Variants in MANBA observed in about 807,000 individuals in gnomAD.
MANBA encodes mannosidase beta, also known as beta-mannosidase.
MANBA carries 83 observed loss-of-function variants against 111.1 expected under a neutral mutation model. That is an observed-to-expected ratio of 0.75 (90% CI 0.63 to 0.90). The LOEUF (loss-of-function observed/expected upper bound fraction) is 0.90. Ranked by LOEUF, MANBA falls within the 40% of genes least tolerant of loss-of-function variation. The probability of loss-of-function intolerance (pLI) is 0.00; values close to 1 mark genes in which losing one functional copy is unlikely to be tolerated. For synonymous variants in MANBA, 370 were observed against 378.7 expected (o/e 0.98, Z 0.27); for missense variants, 1,036 against 1,069.0 (o/e 0.97, Z 0.43).
intron 5 of MANBA, among the ~76,000 whole-genome samples, chr4:102,692,256 G>C (rs553570191): frequency 6.6e-6 from 1 of 152,268 alleles, no homozygotes; most frequent in African/African-American, 2.4e-5. Context: ...GGAACAGAGA[G>C]GAGGCAAAGA....
chr4:102,695,237 A>G (rs28679325), intron 5 of MANBA, among the ~76,000 whole-genome samples: 4,226 of 152,136 alleles, frequency 0.028, 139 homozygotes, highest in African/African-American at 0.078. Context: ...CTACTCCTTT[A>G]TTAAGATGTA....
At chr4:102,640,423 GA>G (rs1331312694) in intron 13 of MANBA, among the ~76,000 whole-genome samples, 7 of 152,282 alleles carry the variant, frequency 4.6e-5, no homozygotes, top group Middle Eastern at 6.8e-3. Flanking sequence ...CGTTGTAGCA[GA>G]ACAGATGGCA....
intron 1 of MANBA, chr4:102,728,945 C>A: frequency 1.3e-6 from 1 of 771,702 alleles, no homozygotes. Flanking sequence ...TGTATGGATA[C>A]TCATGTTCTG....
chr4:102,723,828 A>AT (rs1722678656), intron 3 of MANBA, 34 bp downstream of exon 3: 2 of 1,245,248 alleles, frequency 1.6e-6, no homozygotes, highest in African/African-American at 3.0e-5. Flanking sequence ...AACACACATA[A>AT]ATTTTTTTTA....
intron 5 of MANBA, among the ~76,000 whole-genome samples, chr4:102,709,311 G>A (rs371718829): frequency 1.2e-5 from 1 of 82,650 alleles, no homozygotes; most frequent in Non-Finnish European, 2.4e-5. Context: ...AGGAAGGAAG[G>A]AAGAAAAGAA....
intron 1 of MANBA, among the ~76,000 whole-genome samples, chr4:102,732,193 G>C (rs1233995607): frequency 6.6e-6 from 1 of 152,186 alleles, no homozygotes; most frequent in Non-Finnish European, 1.5e-5. Flanking sequence ...TTACAGACAT[G>C]AGCCACCGCA....
chr4:102,634,450 T>C (rs1578855108), intron 16 of MANBA, among the ~76,000 whole-genome samples: 1 of 150,186 alleles, frequency 6.7e-6, no homozygotes, highest in South Asian at 2.1e-4. Context: ...AGTCAGAGAC[T>C]ATGAGGTGAA....
intron 12 of MANBA, among the ~76,000 whole-genome samples, chr4:102,654,509 C>T (rs1157982823): frequency 2.0e-5 from 3 of 152,098 alleles, no homozygotes; most frequent in Admixed American, 6.5e-5. Flanking sequence ...GTTCAGGTAG[C>T]GAAATTGAAA....
chr4:102,724,542 CAA>C (rs11454438), intron 2 of MANBA, among the ~76,000 whole-genome samples: 1,729 of 122,198 alleles, frequency 0.014, 36 homozygotes, highest in African/African-American at 0.046. Context: ...GATTCCGTCT[CAA>C]AAAAAAAAAA....
At chr4:102,667,582 G>A (rs752072972) in intron 10 of MANBA, 3 of 152,064 alleles carry the variant, frequency 2.0e-5, no homozygotes, top group Non-Finnish European at 4.4e-5. Flanking sequence ...TGACTTACAC[G>A]TATTATCCTA....
At chr4:102,728,484 T>C in intron 1 of MANBA, 1 of 384,204 alleles carries the variant, frequency 2.6e-6, no homozygotes, top group Admixed American at 3.6e-5. Flanking sequence ...TACCCATCTT[T>C]CACATTTGAA....
rs1729595349 is a variant in MANBA, at chr4:102,635,720, A to C, written c.2157+145T>G. ...GAAGGGTTTTGCTTATGGTCACATG[A>C]TTAATGGCAGGGTTGTAGCCTGAAT... On this transcript the variant is annotated intron_variant, in intron 15 of 16. Coordinates refer to ENST00000647097, the MANE Select transcript of MANBA (RefSeq NM_005908.4). 15 of 797,546 alleles carry C rather than the reference A, an allele frequency of 1.9e-5. 1 individual carries two copies. In the South Asian group the frequency reaches 2.3e-4, roughly 12 times the overall value. The allele number at this position is 797,546 out of a possible 1,614,324, so 49.4% of individuals were successfully genotyped here.
intron 14 of MANBA, among the ~76,000 whole-genome samples, chr4:102,637,378 A>G (rs1729678065): frequency 2.0e-5 from 3 of 152,210 alleles, no homozygotes; most frequent in African/African-American, 7.2e-5. Context: ...ATTGTGGGTC[A>G]TAAGACACTC....
At chr4:102,664,494 G>A (rs1036563152) in intron 11 of MANBA, among the ~76,000 whole-genome samples, 191 bp downstream of exon 11, 7 of 152,034 alleles carry the variant, frequency 4.6e-5, no homozygotes, top group African/African-American at 9.7e-5. Context: ...GACTACAGGC[G>A]CCCGCCACCG....
chr4:102,745,239 G>T (rs978137314), intron 1 of MANBA, among the ~76,000 whole-genome samples: 4 of 152,160 alleles, frequency 2.6e-5, no homozygotes, highest in African/African-American at 9.7e-5. Context: ...TAGACTGGGG[G>T]TCTCCTTGGG....
In MANBA at chr4:102,650,604, A is replaced by G. The variant is rs2110203118; in HGVS notation, c.1802T>C (p.Leu601Pro). 1 of 1,613,444 alleles carries G rather than the reference A, an allele frequency of 6.2e-7. No individual in the cohort carries two copies. The highest frequency in any genetic ancestry group is 8.5e-7 in the Non-Finnish European group (1 of 1,179,384). The change falls in exon 13 of 17, where the codon CTT (leucine) becomes CCT (proline). Residue 601 changes from leucine (L) to proline (P), a missense_variant. Transcript: ENST00000647097. ...TGTGCTTTGGGGGAGTTTGAAATGA[A>G]GTCCAGCCTGATAAAGCATTTGTTT... is the stretch of plus-strand genomic sequence containing the variant. ...GNKQMLYQAGLHFKLPQSTDP... is the reference protein window; with the variant it reads ...GNKQMLYQAGPHFKLPQSTDP...
chr4:102,671,195 T>C, intron 9 of MANBA, 86 bp downstream of exon 9: 1 of 889,462 alleles, frequency 1.1e-6, no homozygotes, highest in Non-Finnish European at 1.9e-6. Flanking sequence ...GCTCTGAGAC[T>C]GGGGCAATTG....
At chr4:102,644,547 C>T (rs1324598670) in intron 13 of MANBA, among the ~76,000 whole-genome samples, 2 of 151,950 alleles carry the variant, frequency 1.3e-5, no homozygotes, top group Non-Finnish European at 2.9e-5. Context: ...CATGATCTCA[C>T]GTATACATGG....
In MANBA at chr4:102,690,753, C is replaced by T. The variant is rs1732439983; in HGVS notation, c.692G>A (p.Trp231Ter). ...SPIYDKSAQEWNLEIESTFDV... is the reference protein window; with the variant it reads ...SPIYDKSAQE ...AAATGTAGACTCTATTTCCAGATTC[C>T]ACTCCTGGGCACTCTTATCTAAAAT... is the stretch of plus-strand genomic sequence containing the variant. The change falls in exon 6 of 17, where the codon TGG becomes TAG. Residue 231 changes from tryptophan (W) to a stop codon, truncating the protein, a stop_gained. Coordinates refer to ENST00000647097, the MANE Select transcript of MANBA (RefSeq NM_005908.4). LOFTEE classifies it high-confidence loss of function. The T allele has an allele frequency of 2.0e-6, 3 of 1,531,926 alleles. No homozygotes were observed. Among genetic ancestry groups the T allele is most frequent in the Non-Finnish European group, 2.7e-6 (3 of 1,128,284 alleles). The allele number at this position is 1,531,926 out of a possible 1,614,324, so 94.9% of individuals were successfully genotyped here. A position where few individuals can be genotyped will look rare whatever the true frequency, so the allele number is the denominator to read the frequency against.
Sources: allele counts gnomAD v4.1 joint callset (sites outside exome capture counted in the v4.1 genomes callset), GRCh38; gene constraint gnomAD v4.1.1; transcripts MANE v1.5; gene names NCBI Gene and HGNC (gene_info 2026-07-23, HGNC 2026-07-21).